Variants in CYP20A1 observed in about 807,000 individuals in gnomAD.
CYP20A1 encodes the protein cytochrome P450 family 20 subfamily A member 1, also known as cytochrome P450 20A1.
Under a neutral mutation model 61.4 loss-of-function variants are expected in CYP20A1, and 61 were observed. The observed-to-expected ratio is 0.99, with a 90% CI of 0.81 to 1.23. CYP20A1 has a LOEUF of 1.23. CYP20A1 is among the 50% of genes most tolerant of loss of function. The probability of loss-of-function intolerance (pLI) is 0.00; values close to 1 mark genes in which losing one functional copy is unlikely to be tolerated. For synonymous variants in CYP20A1, 193 were observed against 188.2 expected, an observed-to-expected ratio of 1.03 and a Z score of -0.21; for missense variants, 530 against 542.4, an observed-to-expected ratio of 0.98 and a Z score of 0.23.
chr2:203,245,578 G>A (rs2066434654), intron 1 of CYP20A1, among the ~76,000 whole-genome samples: 1 of 152,004 alleles, frequency 6.6e-6, no homozygotes, highest in Non-Finnish European at 1.5e-5. Flanking sequence ...CCACTTATAA[G>A]TGAGAACATG....
intron 1 of CYP20A1, among the ~76,000 whole-genome samples, chr2:203,241,930 C>T (rs1033677115): frequency 1.3e-5 from 2 of 152,230 alleles, no homozygotes; most frequent in African/African-American, 4.8e-5. Flanking sequence ...CAGCCTCTGC[C>T]TCCCAGGTTC....
rs1164288251 is a variant in CYP20A1, at chr2:203,302,725, T to C, written c.*5817T>C. The stretch of plus-strand genomic sequence containing the variant: ...TTTTTTGTGTGTGTGTGACAGAGTC[T>C]CACTGTCACCAGGCTGGAATGCAGT... On this transcript the variant is annotated 3_prime_UTR_variant, in exon 13 of 13. Coordinates refer to ENST00000356079, the MANE Select transcript of CYP20A1 (RefSeq NM_177538.3). Among the ~76,000 whole-genome samples the C allele has an allele frequency of 6.6e-6, 1 of 152,082 alleles. No individual in the cohort carries two copies. The highest frequency in any genetic ancestry group is 6.6e-5 in the Admixed American group (1 of 15,234).
chr2:203,262,050 A>C (rs1365100590), intron 4 of CYP20A1, among the ~76,000 whole-genome samples: 1 of 152,158 alleles, frequency 6.6e-6, no homozygotes, highest in Non-Finnish European at 1.5e-5. Flanking sequence ...TGACACTGGA[A>C]AGCTTCAGAC....
chr2:203,279,953 T>A, intron 7 of CYP20A1, 106 bp from the exon 8 acceptor site: 1 of 630,278 alleles, frequency 1.6e-6, no homozygotes, highest in Non-Finnish European at 2.4e-6. Context: ...AATAATATAC[T>A]TTTTTTTTCA....
In CYP20A1 at chr2:203,305,061, A is replaced by G. The variant is rs1289154867; in HGVS notation, c.*8153A>G. ...TTTAATATTTGACTTATAGAATTTTATGACACTAAATGGATAATTGTAAAG... is the reference window on the plus strand; with the variant it reads ...TTTAATATTTGACTTATAGAATTTTGTGACACTAAATGGATAATTGTAAAG... On this transcript the variant is annotated 3_prime_UTR_variant, in exon 13 of 13. Coordinates refer to ENST00000356079, the MANE Select transcript of CYP20A1 (RefSeq NM_177538.3). Among the ~76,000 whole-genome samples the G allele has an allele frequency of 6.6e-6, 1 of 152,170 alleles. No individual in the cohort carries two copies. Among genetic ancestry groups the G allele is most frequent in the Non-Finnish European group, 1.5e-5 (1 of 68,044 alleles).
chr2:203,268,606 G>A, intron 5 of CYP20A1, among the ~76,000 whole-genome samples: 1 of 146,400 alleles, frequency 6.8e-6, no homozygotes, highest in East Asian at 2.0e-4. Context: ...TTTTTTTTTT[G>A]TTTGTTTTGT....
intron 7 of CYP20A1, among the ~76,000 whole-genome samples, chr2:203,279,721 TTGTTTACCAA>T (rs553312682): frequency 6.6e-6 from 1 of 152,286 alleles, no homozygotes; most frequent in Non-Finnish European, 1.5e-5. Context: ...AGGACCGAGT[TTGTTTACCAA>T]AGTAGATCAT....
At chr2:203,293,609 G>A (rs973283974) in intron 11 of CYP20A1, among the ~76,000 whole-genome samples, 13 of 151,056 alleles carry the variant, frequency 8.6e-5, no homozygotes, top group Admixed American at 6.6e-5. Context: ...TGGGGAACAG[G>A]TGGTATTTCT....
At chr2:203,283,405 A>T (rs534102137) in intron 8 of CYP20A1, among the ~76,000 whole-genome samples, 1 of 150,446 alleles carries the variant, frequency 6.6e-6, no homozygotes, top group South Asian at 2.1e-4. Flanking sequence ...TTTAGTAGAG[A>T]CGAGGTTTCA....
intron 11 of CYP20A1, 62 bp from the exon 12 acceptor site, chr2:203,296,412 A>C: frequency 1.0e-6 from 1 of 960,242 alleles, no homozygotes; most frequent in South Asian, 1.5e-5. Context: ...GTGTTCTTTT[A>C]GTGTCAACAT....
chr2:203,245,377 G>A (rs879671402), intron 1 of CYP20A1, among the ~76,000 whole-genome samples: 2 of 150,706 alleles, frequency 1.3e-5, no homozygotes, highest in African/African-American at 4.9e-5. Flanking sequence ...TTTAAGTTCA[G>A]GGGTACAAGT....
intron 8 of CYP20A1, among the ~76,000 whole-genome samples, chr2:203,282,757 G>GC (rs2068096382): frequency 6.6e-6 from 1 of 152,032 alleles, no homozygotes; most frequent in African/African-American, 2.4e-5. Flanking sequence ...TCCTTACTCT[G>GC]CCCCTTATTA....
rs774932334 is a variant in CYP20A1 at position 203,252,010 on chromosome 2, A to G, written c.333A>G (p.Gln111=). ...TGCTGAAGTCATTATTAAGGTATCAATCTGGTGGTGGCAGTGTGAGTGAAA... is the reference window on the plus strand; with the variant it reads ...TGCTGAAGTCATTATTAAGGTATCAGTCTGGTGGTGGCAGTGTGAGTGAAA... The part of the protein sequence containing the change: ...ETMLKSLLRY[Q]SGGGSVSENH... Residue 111 remains glutamine (Q), a synonymous_variant, in exon 4 of 13, where the codon CAA becomes CAG. Transcript: ENST00000356079. The G allele has an allele frequency of 6.8e-6, 11 of 1,610,028 alleles. 1 individual carries two copies. Among genetic ancestry groups the G allele is most frequent in the South Asian group, 2.2e-5 (2 of 90,652 alleles).
chr2:203,304,594 A>G lies in CYP20A1; in HGVS notation c.*7686A>G, dbSNP rs1437716596. 6.6e-6 allele frequency among the ~76,000 whole-genome samples: 1 copy of G among 152,210 alleles called. No individual in the cohort carries two copies. Among genetic ancestry groups the G allele is most frequent in the Non-Finnish European group, 1.5e-5 (1 of 68,042 alleles). ...CCCTGTTCCACATACATACATTTTT[A>G]CATAGTACGTTCATTGCAGCATGAG... On this transcript the variant is annotated 3_prime_UTR_variant, in exon 13 of 13. Transcript: ENST00000356079.
rs2152118347 is a variant in CYP20A1, at chr2:203,299,926, CACT to C, written c.*3019_*3021del. On this transcript the variant is annotated 3_prime_UTR_variant, in exon 13 of 13. Coordinates refer to ENST00000356079, the MANE Select transcript of CYP20A1 (RefSeq NM_177538.3). ...TTAAGTGAAATTTATTATCCCTTCCCACTTATTTTCTGTGGTTTTGTGTGTATA... is the reference window on the plus strand; with the variant it reads ...TTAAGTGAAATTTATTATCCCTTCCCTATTTTCTGTGGTTTTGTGTGTATA... 6.6e-6 allele frequency among the ~76,000 whole-genome samples: 1 copy of C among 152,224 alleles called. No homozygotes were observed. The highest frequency in any genetic ancestry group is 1.9e-4 in the East Asian group (1 of 5,186).
At position 203,302,447 on chromosome 2, in the gene CYP20A1, T is replaced by C. The variant is rs538881732; in HGVS notation, c.*5539T>C. Among the ~76,000 whole-genome samples, 1 of 152,292 alleles carries C rather than the reference T, an allele frequency of 6.6e-6. No homozygotes were observed. Among genetic ancestry groups the C allele is most frequent in the Non-Finnish European group, 1.5e-5 (1 of 68,018 alleles). ...TATTCAGGAGGCTGAGGCGAGAGGATGGCTTGAGCTCAGGAAGTCAAGGCT... is the reference window on the plus strand; with the variant it reads ...TATTCAGGAGGCTGAGGCGAGAGGACGGCTTGAGCTCAGGAAGTCAAGGCT... On this transcript the variant is annotated 3_prime_UTR_variant, in exon 13 of 13. Transcript: ENST00000356079.
At chr2:203,249,974 T>G (rs2066600714) in intron 3 of CYP20A1, among the ~76,000 whole-genome samples, 1 of 152,252 alleles carries the variant, frequency 6.6e-6, no homozygotes, top group Non-Finnish European at 1.5e-5. Context: ...GAAATTTTAC[T>G]TATCTCCCTA....
In CYP20A1 at chr2:203,239,124, A is replaced by G. The variant is rs1367569929; in HGVS notation, c.62A>G (p.Tyr21Cys). ...FLLALVGAVL[Y>C]LYPASRQAAG... ...CTGGCGTTGGTGGGAGCCGTGCTCT[A>G]CCTCTATCCGGTGAGCGCCGTCTTG... Residue 21 changes from tyrosine (Y) to cysteine (C), a missense_variant, in exon 1 of 13, where the codon TAC becomes TGC. Coordinates refer to ENST00000356079, the MANE Select transcript of CYP20A1 (RefSeq NM_177538.3). 7.4e-6 allele frequency: 12 copies of G among 1,612,188 alleles called. No individual in the cohort carries two copies. The highest frequency in any genetic ancestry group is 1.0e-5 in the Non-Finnish European group (12 of 1,179,354).
chr2:203,246,961 T>TACC, intron 3 of CYP20A1, 40 bp downstream of exon 3: 1 of 1,593,408 alleles, frequency 6.3e-7, no homozygotes, highest in Non-Finnish European at 8.6e-7. Context: ...ATCCTTACCT[T>TACC]TTAAGAATGA....
Sources: allele counts gnomAD v4.1 joint callset (sites outside exome capture counted in the v4.1 genomes callset), GRCh38; gene constraint gnomAD v4.1.1; transcripts MANE v1.5; gene names NCBI Gene and HGNC (gene_info 2026-07-23, HGNC 2026-07-21).